Variants in TRMT44 observed in about 807,000 individuals in gnomAD.
The protein encoded by TRMT44 is probable tRNA (uracil-O(2)-)-methyltransferase.
TRMT44 carries 78 observed loss-of-function variants against 77.3 expected under a neutral mutation model. The observed-to-expected ratio is 1.01, with a 90% CI of 0.84 to 1.22. TRMT44 has a LOEUF of 1.22. Ranked by LOEUF, TRMT44 falls within the 50% of genes most tolerant of loss-of-function variation. The pLI is 0.00. For synonymous variants in TRMT44, 391 were observed against 383.3 expected (o/e 1.02, Z -0.23); for missense variants, 1,090 against 964.4 (o/e 1.13, Z -1.73).
the TRMT44 span, among the ~76,000 whole-genome samples, chr4:8,506,479 C>T: frequency 2.6e-5 from 4 of 152,188 alleles, no homozygotes; most frequent in Admixed American, 6.5e-5. Context: ...ACTGTCCTTC[C>T]AGCCCGGGCA....
In TRMT44 at chr4:8,451,975, A is replaced by C; in HGVS notation, c.970A>C (p.Thr324Pro). ...KEMVKVWPEV[T>P]DPEKFVYEDV... ...ACTGTTTTAGGTGTGGCCTGAAGTCACTGATCCTGAGAAGTTCGTGTATGA... is the reference window on the plus strand; with the variant it reads ...ACTGTTTTAGGTGTGGCCTGAAGTCCCTGATCCTGAGAAGTTCGTGTATGA... The change falls in exon 4 of 11, where the codon ACT becomes CCT. Residue 324 changes from threonine to proline, a missense_variant. Physicochemically the swap from Thr to Pro is conservative, Grantham distance 38. Coordinates refer to ENST00000389737, the MANE Select transcript of TRMT44 (RefSeq NM_152544.3). This position sits in a 1 kb window ranked among gnomAD's most constrained non-coding sequence, Gnocchi z 4.1. 2 of 1,536,756 alleles carry C rather than the reference A, an allele frequency of 1.3e-6. No individual in the cohort carries two copies. Among genetic ancestry groups the C allele is most frequent in the South Asian group, 1.2e-5 (1 of 84,062 alleles).
intron 2 of TRMT44, among the ~76,000 whole-genome samples, chr4:8,484,671 A>C (rs1407418268): frequency 6.6e-6 from 1 of 152,170 alleles, no homozygotes; most frequent in African/African-American, 2.4e-5. Context: ...GCAGTTTCTA[A>C]AGTTGTCTTC....
At chr4:8,494,900 G>C (rs1728107533), downstream of TRMT44, among the ~76,000 whole-genome samples, 1 of 152,190 alleles carries the variant, frequency 6.6e-6, no homozygotes, top group African/African-American at 2.4e-5. Context: ...CCGTGGCTTG[G>C]TGATTGTGTT....
chr4:8,494,929 G>A, downstream of TRMT44, among the ~76,000 whole-genome samples: 1 of 152,208 alleles, frequency 6.6e-6, no homozygotes, highest in African/African-American at 2.4e-5. Context: ...ACCGTCGTAG[G>A]TGTGTTCTGT....
At chr4:8,477,656 C>G (rs1727459611), downstream of TRMT44, 1 of 152,940 alleles carries the variant, frequency 6.5e-6, no homozygotes. Flanking sequence ...CCTTCCCCAG[C>G]CCCTGTGTTA....
intron 2 of TRMT44, among the ~76,000 whole-genome samples, chr4:8,485,651 C>T (rs554435828): frequency 4.1e-4 from 62 of 151,952 alleles, no homozygotes; most frequent in African/African-American, 1.2e-3. Flanking sequence ...GAGGAAGATG[C>T]GAAGGAGGCT....
At chr4:8,490,021 G>C (rs771929774) in intron 2 of TRMT44, among the ~76,000 whole-genome samples, 2 of 152,112 alleles carry the variant, frequency 1.3e-5, no homozygotes, top group Non-Finnish European at 2.9e-5. Flanking sequence ...TTGCATGTCT[G>C]ACACCCATGG....
In TRMT44 at chr4:8,475,824, G is replaced by T. The variant is rs922351404; in HGVS notation, c.2097G>T (p.Lys699Asn). Residue 699 changes from lysine (K) to asparagine (N), a missense_variant, in exon 11 of 11, where the codon AAG becomes AAT. Transcript: ENST00000389737. ...IRDWREETLW[K>N]TKQPEAKQRL... Reference sequence around the variant, plus strand: ...ACTGGCGAGAGGAGACACTGTGGAAGACAAAGCAACCGGAAGCGAAACAGA... The same window carrying T: ...ACTGGCGAGAGGAGACACTGTGGAATACAAAGCAACCGGAAGCGAAACAGA... 1.2e-6 allele frequency: 2 copies of T among 1,614,178 alleles called. No homozygotes were observed. The highest frequency in any genetic ancestry group is 1.7e-6 in the Non-Finnish European group (2 of 1,180,042).
intron 2 of TRMT44, among the ~76,000 whole-genome samples, chr4:8,481,868 C>G (rs931327863): frequency 5.9e-5 from 9 of 152,150 alleles, no homozygotes; most frequent in Non-Finnish European, 1.3e-4. Flanking sequence ...ATCCTGAAAG[C>G]CCTGTCTGAG....
chr4:8,472,233 G>C (rs1019389276), intron 10 of TRMT44, among the ~76,000 whole-genome samples: 6 of 152,180 alleles, frequency 3.9e-5, no homozygotes, highest in Non-Finnish European at 7.3e-5. Flanking sequence ...TGACACTTGA[G>C]CTGGGCCTGG....
At chr4:8,445,021 A>G (rs1724975017) in intron 1 of TRMT44, among the ~76,000 whole-genome samples, 1 of 152,222 alleles carries the variant, frequency 6.6e-6, no homozygotes, top group Non-Finnish European at 1.5e-5. Context: ...TCTTATAAAC[A>G]TGCTACAGTG....
At chr4:8,498,453 G>C (rs113417304), downstream of TRMT44, among the ~76,000 whole-genome samples, 58 of 152,324 alleles carry the variant, frequency 3.8e-4, 1 homozygote, top group African/African-American at 1.4e-3. This position sits in a 1 kb window ranked among gnomAD's most constrained non-coding sequence, Gnocchi z 4.3. Flanking sequence ...CATCTGCTCA[G>C]CTTCTGGGGA....
intron 2 of TRMT44, among the ~76,000 whole-genome samples, chr4:8,490,821 G>C (rs1173216797): frequency 6.6e-6 from 1 of 152,200 alleles, no homozygotes; most frequent in Non-Finnish European, 1.5e-5. Context: ...ACATCCTGCT[G>C]ATTGGTAGAG....
intron 8 of TRMT44, among the ~76,000 whole-genome samples, chr4:8,466,654 C>T (rs1450706163): frequency 1.3e-5 from 2 of 152,226 alleles, no homozygotes; most frequent in East Asian, 3.8e-4. Flanking sequence ...GGGGAAACTG[C>T]TAAAGTTTGG....
chr4:8,474,491 A>G (rs756422513), intron 10 of TRMT44, among the ~76,000 whole-genome samples: 165 of 152,320 alleles, frequency 1.1e-3, no homozygotes, highest in Non-Finnish European at 1.5e-3. Context: ...TGAGCCCCCA[A>G]CTGTGGCGCC....
At position 8,446,651 on chromosome 4, in the gene TRMT44, C is replaced by T; in HGVS notation, c.734+61C>T. ...TTCCATTGAGGATTTCTTTAGGTAG[C>T]CAAAGGATTCTGGGTTGCCAGGGCT... is the stretch of plus-strand genomic sequence containing the variant. On this transcript the variant is annotated intron_variant, in intron 2 of 10. Coordinates refer to ENST00000389737, the MANE Select transcript of TRMT44 (RefSeq NM_152544.3). The surrounding 1 kb of genome is among the most constrained non-coding windows in gnomAD (Gnocchi z 4.3). The T allele has an allele frequency of 8.0e-7, 1 of 1,244,720 alleles. No individual in the cohort carries two copies. Among genetic ancestry groups the T allele is most frequent in the Non-Finnish European group, 1.1e-6 (1 of 896,928 alleles). 77.1% of individuals were successfully genotyped at this position (1,244,720 alleles called of 1,614,324 possible).
At chr4:8,511,789 A>G in the TRMT44 span, 1 of 151,466 alleles carries the variant, frequency 6.6e-6, no homozygotes, top group African/African-American at 2.4e-5. Context: ...AAAAACTTCG[A>G]TTTAAAACTG....
At chr4:8,492,763 A>G (rs998254708) in intron 2 of TRMT44, among the ~76,000 whole-genome samples, 2 of 152,204 alleles carry the variant, frequency 1.3e-5, no homozygotes, top group South Asian at 2.1e-4. Context: ...GGAAAGGCCA[A>G]TCAGAAACTC....
intron 1 of TRMT44, among the ~76,000 whole-genome samples, chr4:8,445,795 C>A (rs1390166016): frequency 1.3e-5 from 2 of 152,182 alleles, no homozygotes; most frequent in Non-Finnish European, 2.9e-5. Context: ...CACAGTTGTG[C>A]ATATTTGGCC....
Sources: allele counts gnomAD v4.1 joint callset (sites outside exome capture counted in the v4.1 genomes callset), GRCh38; gene constraint gnomAD v4.1.1; non-coding constraint Gnocchi (gnomAD v3.1); transcripts MANE v1.5; gene names NCBI Gene and HGNC (gene_info 2026-07-23, HGNC 2026-07-21).